Variants in MTOR observed in about 807,000 individuals in gnomAD.
MTOR encodes serine/threonine-protein kinase mTOR.
A neutral mutation model predicts 319.8 loss-of-function variants in MTOR; 70 were observed. The observed-to-expected ratio is 0.22, with a 90% CI of 0.18 to 0.27. The LOEUF (loss-of-function observed/expected upper bound fraction) is 0.27, where lower values mean the gene tolerates loss of function less well. Ranked by LOEUF, MTOR falls within the 10% of genes least tolerant of loss-of-function variation. The pLI is 1.00. For synonymous variants in MTOR, 1,183 were observed against 1,211.4 expected (o/e 0.98, Z 0.49); for missense variants, 1,890 against 3,274.4 (o/e 0.58, Z 10.32).
intron 28 of MTOR, among the ~76,000 whole-genome samples, chr1:11,181,000 A>G (rs560277403): frequency 2.0e-5 from 3 of 152,152 alleles, no homozygotes; most frequent in African/African-American, 7.2e-5. Context: ...TGGTCTTGAT[A>G]TCTTGACTTT....
chr1:11,122,828 C>A (rs1198986720), intron 47 of MTOR, among the ~76,000 whole-genome samples: 8 of 152,146 alleles, frequency 5.3e-5, no homozygotes, highest in South Asian at 4.1e-4. Context: ...TTTTAATGAG[C>A]CCCCGCCGCA....
Position 11,212,740 on chromosome 1 carries a change from T to C in MTOR, c.3398+56A>G, listed in dbSNP as rs1646351541. 3.4e-6 allele frequency: 5 copies of C among 1,450,482 alleles called. No homozygotes were observed. Among genetic ancestry groups the C allele is most frequent in the Non-Finnish European group, 4.8e-6 (5 of 1,038,756 alleles). 89.9% of individuals were successfully genotyped at this position (1,450,482 alleles called of 1,614,324 possible). ...GGCCTGGGAACTTAAGAAATGAACA[T>C]TTTCAACAAAACATTAAAGCTTAAA... On this transcript the variant is annotated intron_variant, in intron 22 of 57. Coordinates refer to ENST00000361445, the MANE Select transcript of MTOR (RefSeq NM_004958.4). The surrounding 1 kb of genome is among the most constrained non-coding windows in gnomAD (Gnocchi z 4.1).
At chr1:11,136,045 G>T (rs1047242951) in intron 36 of MTOR, among the ~76,000 whole-genome samples, 7 of 152,168 alleles carry the variant, frequency 4.6e-5, no homozygotes, top group African/African-American at 1.7e-4. Context: ...TGAGGCAGGA[G>T]AATTGCTTGA....
chr1:11,229,071 T>C (rs1252618182), intron 18 of MTOR, among the ~76,000 whole-genome samples, 153 bp from the exon 19 acceptor site: 1 of 152,160 alleles, frequency 6.6e-6, no homozygotes, highest in East Asian at 1.9e-4. Context: ...TCAAGGTCTA[T>C]TAGGAACCAA....
At chr1:11,209,118 T>C (rs1260934049) in intron 25 of MTOR, among the ~76,000 whole-genome samples, 194 bp downstream of exon 25, 1 of 152,236 alleles carries the variant, frequency 6.6e-6, no homozygotes, top group Non-Finnish European at 1.5e-5. Flanking sequence ...TGTTCTCTAC[T>C]TTTTCTCTAT....
At chr1:11,197,090 T>G (rs1452153952) in intron 28 of MTOR, among the ~76,000 whole-genome samples, 1 of 152,090 alleles carries the variant, frequency 6.6e-6, no homozygotes, top group African/African-American at 2.4e-5. Flanking sequence ...TGGAATTTGT[T>G]GGAGGTAGAC....
At chr1:11,160,241 C>G (rs1307973474) in intron 29 of MTOR, among the ~76,000 whole-genome samples, 1 of 152,058 alleles carries the variant, frequency 6.6e-6, no homozygotes, top group Non-Finnish European at 1.5e-5. Context: ...GCTGTGATTA[C>G]AGGTATGCAC....
chr1:11,171,566 TA>T (rs1197564231), intron 28 of MTOR, among the ~76,000 whole-genome samples: 1 of 151,984 alleles, frequency 6.6e-6, no homozygotes, highest in African/African-American at 2.4e-5. Context: ...TCACAGTGCA[TA>T]AAAAATGAGT....
chr1:11,194,420 A>G (rs780390857), intron 28 of MTOR: 2 of 1,594,012 alleles, frequency 1.3e-6, no homozygotes, highest in Non-Finnish European at 1.7e-6. Flanking sequence ...CATGAAATGG[A>G]GCCTGCTGCA....
chr1:11,151,293 A>G (rs113879658), intron 30 of MTOR, among the ~76,000 whole-genome samples: 2,854 of 152,250 alleles, frequency 0.019, 98 homozygotes, highest in African/African-American at 0.065. Context: ...TCTCTGGCAC[A>G]TGATCAAGAA....
chr1:11,172,111 T>C (rs1571062912), intron 28 of MTOR, among the ~76,000 whole-genome samples: 1 of 149,750 alleles, frequency 6.7e-6, no homozygotes, highest in South Asian at 2.1e-4. Context: ...TGGAGGCAGG[T>C]CAGGCTGCAG....
chr1:11,152,328 G>C (rs909449767), intron 30 of MTOR: 1 of 152,112 alleles, frequency 6.6e-6, no homozygotes, highest in Admixed American at 6.5e-5. Flanking sequence ...CTCACCTAGC[G>C]TTCTGGCAAA....
intron 28 of MTOR, among the ~76,000 whole-genome samples, chr1:11,182,478 A>G (rs1645191703): frequency 2.6e-5 from 4 of 152,324 alleles, no homozygotes; most frequent in African/African-American, 9.6e-5. Context: ...TGCATTATCT[A>G]TTTTTACACA....
At chr1:11,259,942 C>T (rs1650899423) in intron 1 of MTOR, among the ~76,000 whole-genome samples, 1 of 152,104 alleles carries the variant, frequency 6.6e-6, no homozygotes, top group African/African-American at 2.4e-5. Context: ...GGTTATATAC[C>T]TCAAGAAAGA....
intron 6 of MTOR, among the ~76,000 whole-genome samples, chr1:11,249,899 C>T (rs1316720088): frequency 9.9e-5 from 15 of 151,384 alleles, no homozygotes; most frequent in Admixed American, 6.6e-5. Flanking sequence ...AAAACCGCCA[C>T]TGTCATCATG....
At position 11,199,717 on chromosome 1, in the gene MTOR, AG is replaced by A; in HGVS notation, c.3945-15del. 6.2e-7 allele frequency: 1 copy of A among 1,612,730 alleles called. No individual in the cohort carries two copies. ...TTGAAGAGATCCCTGAAGGCAGAGA[AG>A]GTGGAAAATGGAGAGACCTCCCGTG... On this transcript the variant is annotated splice_polypyrimidine_tract_variant and intron_variant, in intron 26 of 57. Coordinates refer to ENST00000361445, the MANE Select transcript of MTOR (RefSeq NM_004958.4). This position sits in a 1 kb window ranked among gnomAD's most constrained non-coding sequence, Gnocchi z 4.5.
Position 11,107,496 on chromosome 1 carries a change from G to T in MTOR, c.7639C>A (p.Pro2547Thr). ...NLCQCYIGWC[P>T]FW ...ATCTGGGCCTCCAGTTACCAGAAAGGGCACCTAAGAAGGCAGAAAGAAAAG... is the reference window on the plus strand; with the variant it reads ...ATCTGGGCCTCCAGTTACCAGAAAGTGCACCTAAGAAGGCAGAAAGAAAAG... Residue 2547 changes from proline (P) to threonine (T), a missense_variant, in exon 58 of 58, where the codon CCT becomes ACT. By Grantham distance (38) the Pro-to-Thr change is conservative. Around this residue, in one of 15 missense-constraint regions of MTOR, gnomAD observed 31 missense variants for 82.1 expected, o/e 0.38. Coordinates refer to ENST00000361445, the MANE Select transcript of MTOR (RefSeq NM_004958.4). The T allele has an allele frequency of 6.2e-7, 1 of 1,613,262 alleles. No individual in the cohort carries two copies. The highest frequency in any genetic ancestry group is 1.1e-5 in the South Asian group (1 of 90,860).
Position 11,130,543 on chromosome 1 carries a change from T to G in MTOR, c.5599A>C (p.Lys1867Gln), listed in dbSNP as rs2100429718. 1.2e-6 allele frequency: 2 copies of G among 1,613,046 alleles called. No homozygotes were observed. The highest frequency in any genetic ancestry group is 2.2e-5 in the South Asian group (2 of 91,002). The change falls in exon 39 of 58, where the codon AAG (lysine) becomes CAG (glutamine). Residue 1867 changes from lysine (K) to glutamine (Q), a missense_variant. By Grantham distance (53) the Lys-to-Gln change is moderately conservative. Around this residue, in one of 15 missense-constraint regions of MTOR, gnomAD observed 91 missense variants for 90.4 expected, o/e 1.01. Coordinates refer to ENST00000361445, the MANE Select transcript of MTOR (RefSeq NM_004958.4). ...GGGAAGGGTACCTCAGTGACCTTCT[T>G]CTGCAGCGGCGATGGGGTGGGGCTG... ...ENSPTPSPLQ[K>Q]KVTEDLSKTL...
chr1:11,178,008 C>G (rs1203227992), intron 28 of MTOR, among the ~76,000 whole-genome samples: 1 of 151,964 alleles, frequency 6.6e-6, no homozygotes, highest in Non-Finnish European at 1.5e-5. Context: ...CAGGTATTTT[C>G]CACTCCATTC....
Sources: gnomAD v4.1 joint callset for allele counts (sites outside exome capture counted in the v4.1 genomes callset) on GRCh38, gnomAD v4.1.1 for gene constraint, gnomAD v4.1.1 regional missense constraint, Gnocchi (gnomAD v3.1) non-coding constraint, MANE v1.5 for transcripts, NCBI Gene and HGNC (gene_info 2026-07-23, HGNC 2026-07-21) for gene names.